GPHN: variants seen among roughly 807,000 people sequenced by gnomAD.
GPHN encodes gephyrin.
Under a neutral mutation model 95.5 loss-of-function variants are expected in GPHN, and 17 were observed. The ratio of observed to expected loss-of-function variants is 0.18; its 90% confidence interval spans 0.12 to 0.27. The LOEUF (loss-of-function observed/expected upper bound fraction) is 0.27. Ranked by LOEUF, GPHN falls within the 10% of genes least tolerant of loss-of-function variation. GPHN has a pLI of 1.00. For synonymous variants in GPHN, 320 were observed against 322.5 expected (o/e 0.99, Z 0.08); for missense variants, 660 against 978.1 (o/e 0.67, Z 4.34).
At chr14:67,390,791 G>A in the GPHN span, 12 of 1,291,866 alleles carry the variant, frequency 9.3e-6, no homozygotes, top group East Asian at 2.3e-5. Flanking sequence ...ACAGCTGCAT[G>A]TCCCTCTCTC....
At chr14:66,554,080 C>T (rs1240355786) in intron 1 of GPHN, among the ~76,000 whole-genome samples, 10 of 152,040 alleles carry the variant, frequency 6.6e-5, no homozygotes, top group Non-Finnish European at 2.9e-5. Flanking sequence ...TATAAATTAA[C>T]AATATTTGGC....
chr14:67,024,006 T>A (rs2073798901), intron 10 of GPHN, among the ~76,000 whole-genome samples: 1 of 152,192 alleles, frequency 6.6e-6, no homozygotes, highest in South Asian at 2.1e-4. Context: ...AATAATAATA[T>A]TGAAAATTCC....
chr14:67,321,216 T>G, the GPHN span: 1 of 1,614,234 alleles, frequency 6.2e-7, no homozygotes, highest in South Asian at 1.1e-5. Flanking sequence ...GTACGGCAAG[T>G]GATCAACTCT....
chr14:67,312,078 T>C, the GPHN span: 1 of 152,750 alleles, frequency 6.5e-6, no homozygotes, highest in Non-Finnish European at 1.5e-5. Flanking sequence ...AGTCATTGTT[T>C]TCACAGGTCA....
chr14:67,357,569 A>T, the GPHN span, among the ~76,000 whole-genome samples: 1 of 152,230 alleles, frequency 6.6e-6, no homozygotes, highest in Non-Finnish European at 1.5e-5. Flanking sequence ...TCAAAGTAAA[A>T]GTTTCAAAGT....
chr14:67,044,210 A>G (rs1311284879), intron 10 of GPHN, among the ~76,000 whole-genome samples: 8 of 151,888 alleles, frequency 5.3e-5, no homozygotes, highest in Non-Finnish European at 1.2e-4. Context: ...GGTGACACAT[A>G]CCCGTAATCC....
At chr14:66,846,957 CAGA>C (rs766677396) in intron 4 of GPHN, among the ~76,000 whole-genome samples, 57 of 152,160 alleles carry the variant, frequency 3.7e-4, no homozygotes, top group Admixed American at 1.4e-3. Flanking sequence ...TTCCTGCTGT[CAGA>C]AGGTTTAGTC....
At chr14:67,348,882 AC>A in the GPHN span, 1 of 725,588 alleles carries the variant, frequency 1.4e-6, no homozygotes, top group Non-Finnish European at 2.2e-6. Flanking sequence ...GTAATTAGAA[AC>A]CTGGTTGTTA....
chr14:67,332,006 C>T, the GPHN span, among the ~76,000 whole-genome samples: 1 of 152,176 alleles, frequency 6.6e-6, no homozygotes, highest in Non-Finnish European at 1.5e-5. Flanking sequence ...CTTACTGTTA[C>T]AGAAGTTCAA....
chr14:67,600,239 T>A, the GPHN span: 1 of 1,507,628 alleles, frequency 6.6e-7, no homozygotes, highest in Non-Finnish European at 8.9e-7. Flanking sequence ...CGCGCGGCGC[T>A]GCACTGCGCT....
chr14:67,697,164 C>T, the GPHN span, among the ~76,000 whole-genome samples: 2 of 152,178 alleles, frequency 1.3e-5, no homozygotes, highest in Non-Finnish European at 2.9e-5. Context: ...AATCTCTGCT[C>T]GCCCGGAGTT....
the GPHN span, among the ~76,000 whole-genome samples, chr14:67,567,251 G>A: frequency 6.6e-6 from 1 of 152,148 alleles, no homozygotes; most frequent in African/African-American, 2.4e-5. Flanking sequence ...GGCGGTGGGG[G>A]AATGAAATGT....
chr14:67,321,021 C>T, the GPHN span: 1 of 1,577,584 alleles, frequency 6.3e-7, no homozygotes, highest in Non-Finnish European at 8.7e-7. Flanking sequence ...CACTCTAAGC[C>T]ATGCCTGTTA....
At chr14:66,556,604 A>G (rs576161299) in intron 1 of GPHN, among the ~76,000 whole-genome samples, 2 of 152,340 alleles carry the variant, frequency 1.3e-5, no homozygotes, top group South Asian at 4.1e-4. Flanking sequence ...AACTATTTAT[A>G]TTCACATCAG....
At position 66,789,119 on chromosome 14, in the gene GPHN, CT is replaced by C. The variant is rs1310291556; in HGVS notation, c.201+12601del. ...TTTATGGAAAAACTGAATAATACCC[CT>C]TTAACTATCCAGTATGTTCACACAC... On this transcript the variant is annotated intron_variant, in intron 3 of 22. Coordinates refer to ENST00000478722, the MANE Select transcript of GPHN (RefSeq NM_020806.5). 7.9e-5 allele frequency among the ~76,000 whole-genome samples: 12 copies of C among 152,286 alleles called. No homozygotes were observed. In the East Asian group the frequency reaches 2.1e-3, roughly 27 times the overall value.
At chr14:67,495,006 T>C in the GPHN span, among the ~76,000 whole-genome samples, 2 of 152,326 alleles carry the variant, frequency 1.3e-5, no homozygotes, top group South Asian at 2.1e-4. Flanking sequence ...CAGGTGAATC[T>C]GGGTAAAGAG....
intron 2 of GPHN, among the ~76,000 whole-genome samples, chr14:66,705,234 G>A (rs2068959577): frequency 6.6e-6 from 1 of 152,214 alleles, no homozygotes; most frequent in Non-Finnish European, 1.5e-5. Flanking sequence ...TCTACCAGAA[G>A]TACAAAGAGG....
the GPHN span, chr14:67,611,226 C>A: frequency 6.6e-6 from 1 of 151,744 alleles, no homozygotes; most frequent in South Asian, 2.1e-4. Flanking sequence ...CTTTCTTTTT[C>A]TTTCTTTCCT....
chr14:66,624,823 G>A (rs963538153), intron 1 of GPHN, among the ~76,000 whole-genome samples: 3 of 152,184 alleles, frequency 2.0e-5, no homozygotes, highest in African/African-American at 7.2e-5. Flanking sequence ...ACCTTAGACA[G>A]TATTCCTAAG....
Sources: allele counts gnomAD v4.1 joint callset (sites outside exome capture counted in the v4.1 genomes callset), GRCh38; gene constraint gnomAD v4.1.1; transcripts MANE v1.5; gene names NCBI Gene and HGNC (gene_info 2026-07-23, HGNC 2026-07-21).